GUSB: variants seen among roughly 807,000 people sequenced by gnomAD.
GUSB encodes the protein glucuronidase beta.
A neutral mutation model predicts 74.6 loss-of-function variants in GUSB; 51 were observed. That is an observed-to-expected ratio of 0.68 (90% confidence interval 0.55 to 0.86). The LOEUF is 0.86. Among genes scored for constraint, GUSB ranks in the 40% least tolerant of loss-of-function variants. GUSB has a pLI of 0.00. For synonymous variants in GUSB, 360 were observed against 348.3 expected, an observed-to-expected ratio of 1.03 and a Z score of -0.37; for missense variants, 736 against 853.7, an observed-to-expected ratio of 0.86 and a Z score of 1.72.
Position 65,979,460 on chromosome 7 carries a change from G to A in GUSB, c.663C>T (p.Tyr221=). 1.2e-6 allele frequency: 2 copies of A among 1,613,890 alleles called. No homozygotes were observed. Among genetic ancestry groups the A allele is most frequent in the Non-Finnish European group, 8.5e-7 (1 of 1,179,752 alleles). Residue 221 remains tyrosine (Y), a synonymous_variant, in exon 4 of 12, where the codon TAC becomes TAT. Coordinates refer to ENST00000304895, the MANE Select transcript of GUSB (RefSeq NM_000181.4). ...YAGLQRSVLL[Y]TTPTTYIDDI... The stretch of plus-strand genomic sequence containing the variant: ...CATCGATGTAGGTGGTGGGTGTCGT[G>A]TACAGAAGTACAGACCGCTGCAGTC...
Position 65,980,247 on chromosome 7 carries a change from T to C in GUSB, c.373A>G (p.Ser125Gly). 7.1e-7 allele frequency: 1 copy of C among 1,410,962 alleles called. No individual in the cohort carries two copies. Among genetic ancestry groups the C allele is most frequent in the East Asian group, 3.7e-5 (1 of 26,902 alleles). 87.4% of individuals were successfully genotyped at this position (1,410,962 alleles called of 1,614,324 possible). A position where few individuals can be genotyped will look rare whatever the true frequency, so the allele number is the denominator to read the frequency against. Reference protein sequence around the residue: ...LRTRVVLRIGSAHSYAIVWVN... With the variant: ...LRTRVVLRIGGAHSYAIVWVN... ...ACCACGATGGCATAGGAATGGGCAC[T>C]GCCAATCCTCAGCACCACTCTTGTG... is the stretch of plus-strand genomic sequence containing the variant. The change falls in exon 2 of 12, where the codon AGT becomes GGT. Residue 125 changes from serine (S) to glycine (G), a missense_variant. Transcript: ENST00000304895.
rs368144710 is a variant in GUSB at position 65,974,363 on chromosome 7, G to A, written c.1323C>T (p.Pro441=). Residue 441 remains proline (P), a synonymous_variant, in exon 8 of 12, where the codon CCC becomes CCT. Coordinates refer to ENST00000304895, the MANE Select transcript of GUSB (RefSeq NM_000181.4). ...TGGCCACAGACCACATCACGACCGC[G>A]GGGTGGTTCTTGTCCCTACGCACCA... ...EEVVRRDKNH[P]AVVMWSVANE... is the part of the protein sequence containing the mutation. 10 of 1,614,014 alleles carry A rather than the reference G, an allele frequency of 6.2e-6. No individual in the cohort carries two copies. Among genetic ancestry groups the A allele is most frequent in the African/African-American group, 5.3e-5 (4 of 74,932 alleles).
Position 65,969,118 on chromosome 7 carries a change from C to T in GUSB, c.1476+1164G>A, listed in dbSNP as rs533429308. On this transcript the variant is annotated intron_variant, in intron 9 of 11. Transcript: ENST00000304895. ...AATGCTGGCCGGGTGTGGTGGCTCA[C>T]GCCTGTAATCCCAGCACGTTGGGAG... Among the ~76,000 whole-genome samples the T allele has an allele frequency of 5.9e-5, 9 of 152,226 alleles. No individual in the cohort carries two copies. In the South Asian group the frequency reaches 1.5e-3, roughly 25 times the overall value.
chr7:65,979,935 AG>A, intron 2 of GUSB, 24 bp from the exon 3 acceptor site: 1 of 1,554,732 alleles, frequency 6.4e-7, no homozygotes, highest in South Asian at 1.2e-5. Flanking sequence ...AGATACGGGG[AG>A]GGGGCTGCAG....
Position 65,961,051 on chromosome 7 carries a change from A to G in GUSB, c.1802T>C (p.Val601Ala). ...GAAGATCCCCTTTTTATTCCCCAGC[A>G]CTCTCGTCGGTGCTACAAAAAAAAA... is the stretch of plus-strand genomic sequence containing the variant. Reference protein sequence around the residue: ...DFMTEQSPTRVLGNKKGIFTR... With the variant: ...DFMTEQSPTRALGNKKGIFTR... Residue 601 changes from valine to alanine, a missense_variant, in exon 12 of 12, where the codon GTG becomes GCG. Val to Ala is a moderately conservative substitution (Grantham distance 64, BLOSUM62 0). This residue lies in a region of GUSB where 368 missense variants were observed against 489.9 expected (regional missense o/e 0.75). Coordinates refer to ENST00000304895, the MANE Select transcript of GUSB (RefSeq NM_000181.4). 6.2e-7 allele frequency: 1 copy of G among 1,602,682 alleles called. No homozygotes were observed. Among genetic ancestry groups the G allele is most frequent in the Non-Finnish European group, 8.5e-7 (1 of 1,177,244 alleles).
intron 1 of GUSB, among the ~76,000 whole-genome samples, chr7:65,981,443 G>A (rs1304254075): frequency 6.6e-6 from 1 of 151,730 alleles, no homozygotes; most frequent in African/African-American, 2.4e-5. Context: ...TGTTATGTTG[G>A]CCAGCCTGGT....
chr7:65,980,685 G>T (rs1287487838), intron 1 of GUSB: 1 of 493,522 alleles, frequency 2.0e-6, no homozygotes, highest in African/African-American at 1.9e-5. Context: ...GAGGCAAGAA[G>T]GTTCAGACCT....
chr7:65,965,318 C>T (rs1049613913), intron 10 of GUSB, among the ~76,000 whole-genome samples: 3 of 151,290 alleles, frequency 2.0e-5, no homozygotes, highest in Non-Finnish European at 3.0e-5. Context: ...GAGGGAGGAT[C>T]GCTTGAGCCC....
In GUSB at chr7:65,980,672, C is replaced by T; in HGVS notation, c.211-263G>A. 6 of 514,600 alleles carry T rather than the reference C, an allele frequency of 1.2e-5. No homozygotes were observed. The South Asian group carries it at 1.2e-4, about 10-fold the overall frequency. 31.9% of individuals were successfully genotyped at this position (514,600 alleles called of 1,614,324 possible). On this transcript the variant is annotated intron_variant, in intron 1 of 11. Coordinates refer to ENST00000304895, the MANE Select transcript of GUSB (RefSeq NM_000181.4). ...GAGCAAGCCCAGGGCCACATCCCAG[C>T]CAGAGGCAAGAAGGTTCAGACCTGT...
intron 4 of GUSB, among the ~76,000 whole-genome samples, 162 bp from the exon 5 acceptor site, chr7:65,976,364 C>T (rs1011801362): frequency 6.6e-6 from 1 of 151,394 alleles, no homozygotes; most frequent in Admixed American, 6.6e-5. Flanking sequence ...CTCACTCTGT[C>T]CCCCAGGCTG....
intron 10 of GUSB, among the ~76,000 whole-genome samples, chr7:65,966,954 T>G (rs183042479): frequency 1.5e-3 from 229 of 151,904 alleles, no homozygotes; most frequent in Non-Finnish European, 2.4e-3. Context: ...TTTTAGTTGG[T>G]GATTATGGTG....
At chr7:65,963,773 T>A (rs912201342) in intron 11 of GUSB, among the ~76,000 whole-genome samples, 3 of 152,180 alleles carry the variant, frequency 2.0e-5, no homozygotes, top group Non-Finnish European at 4.4e-5. Flanking sequence ...CTTGAACTCC[T>A]GGCCTCAAGC....
At chr7:65,980,595 G>A (rs1012373450) in intron 1 of GUSB, 186 bp from the exon 2 acceptor site, 2 of 636,040 alleles carry the variant, frequency 3.1e-6, no homozygotes, top group Admixed American at 2.4e-5. Context: ...TGGGCCAGTG[G>A]GGCCAGGAGT....
At chr7:65,966,208 A>G (rs1409698962) in intron 10 of GUSB, among the ~76,000 whole-genome samples, 1 of 152,168 alleles carries the variant, frequency 6.6e-6, no homozygotes, top group Admixed American at 6.5e-5. Context: ...TTACCTTTTC[A>G]AAGAGGATGC....
Position 65,979,427 on chromosome 7 carries a change from G to A in GUSB, c.696C>T (p.Thr232=), listed in dbSNP as rs779124500. The change falls in exon 4 of 12, where the codon ACC becomes ACT. Residue 232 remains threonine, a synonymous_variant. Coordinates refer to ENST00000304895, the MANE Select transcript of GUSB (RefSeq NM_000181.4). ...TGTCTTGCTCCACGCTGGTGGTGAC[G>A]GTGATGTCATCGATGTAGGTGGTGG... ...TTPTTYIDDI[T]VTTSVEQDSG... 20 of 1,613,752 alleles carry A rather than the reference G, an allele frequency of 1.2e-5. No homozygotes were observed. Among genetic ancestry groups the A allele is most frequent in the South Asian group, 5.5e-5 (5 of 91,070 alleles).
At chr7:65,969,653 C>T (rs1424505742) in intron 9 of GUSB, among the ~76,000 whole-genome samples, 1 of 152,212 alleles carries the variant, frequency 6.6e-6, no homozygotes, top group East Asian at 1.9e-4. Flanking sequence ...GCTGTGATTG[C>T]ACCACTGCAC....
chr7:65,972,587 C>T (rs1369326725), intron 8 of GUSB, among the ~76,000 whole-genome samples: 2 of 152,134 alleles, frequency 1.3e-5, no homozygotes, highest in Non-Finnish European at 2.9e-5. Flanking sequence ...AAAAGAACCC[C>T]CTAGCCTCAA....
chr7:65,964,468 A>G lies in GUSB; in HGVS notation c.1654-10T>C, dbSNP rs776105120. ...ACATCAGAGGTGGATCCTAGGATTC[A>G]AGGCAAAGAGAATGTAAGAGTCAGA... is the stretch of plus-strand genomic sequence containing the variant. On this transcript the variant is annotated splice_polypyrimidine_tract_variant and intron_variant, in intron 10 of 11. Transcript: ENST00000304895. 1.7e-5 allele frequency: 28 copies of G among 1,609,996 alleles called. No individual in the cohort carries two copies. The East Asian group carries it at 6.2e-4, about 36-fold the overall frequency.
chr7:65,973,422 G>A (rs981638842), intron 8 of GUSB, among the ~76,000 whole-genome samples: 1 of 152,160 alleles, frequency 6.6e-6, no homozygotes, highest in Non-Finnish European at 1.5e-5. Flanking sequence ...CCCCGTCTCT[G>A]CTAAAAATAC....
Sources: allele counts gnomAD v4.1 joint callset (sites outside exome capture counted in the v4.1 genomes callset), GRCh38; gene constraint gnomAD v4.1.1; regional missense constraint gnomAD v4.1.1; transcripts MANE v1.5; gene names NCBI Gene and HGNC (gene_info 2026-07-23, HGNC 2026-07-21).